NOXA1: variants seen among roughly 807,000 people sequenced by gnomAD.
NOXA1 encodes NADPH oxidase activator 1.
In NOXA1, 56 loss-of-function variants were observed where a neutral mutation model predicts 64.8. That is an observed-to-expected ratio of 0.86 (90% CI 0.70 to 1.08). The LOEUF is 1.08. NOXA1 is among the 50% of genes least tolerant of loss of function. NOXA1 has a pLI of 0.00. For synonymous variants in NOXA1, 295 were observed against 294.8 expected (o/e 1.00, Z -0.01); for missense variants, 668 against 658.5 (o/e 1.01, Z -0.16).
intron 2 of NOXA1, 152 bp downstream of exon 2, chr9:137,426,482 G>C (rs1228138210): frequency 7.9e-6 from 5 of 633,888 alleles, no homozygotes; most frequent in Non-Finnish European, 1.4e-5. Flanking sequence ...ACCTGAGACT[G>C]TGGCCCTCGC....
chr9:137,433,398 C>A, intron 10 of NOXA1, 55 bp from the exon 11 acceptor site: 1 of 1,548,836 alleles, frequency 6.5e-7, no homozygotes, highest in Non-Finnish European at 8.7e-7. Context: ...TGAAGACGGC[C>A]CTGACCAGGC....
intron 3 of NOXA1, 123 bp downstream of exon 3, chr9:137,428,264 A>T: frequency 1.5e-6 from 1 of 673,862 alleles, no homozygotes; most frequent in Non-Finnish European, 2.5e-6. Context: ...GCCATGGAAT[A>T]CCCTGGCCAC....
intron 1 of NOXA1, 78 bp downstream of exon 1, chr9:137,423,784 G>T: frequency 8.9e-7 from 1 of 1,123,694 alleles, no homozygotes; most frequent in Non-Finnish European, 1.1e-6. Flanking sequence ...GCCCCTCCCC[G>T]ACCGTCACGG....
rs895329464 is a variant in NOXA1 at position 137,431,448 on chromosome 9, T to C, written c.804+107T>C. The C allele has an allele frequency of 2.3e-6, 2 of 875,014 alleles. 1 individual carries two copies. Among genetic ancestry groups the C allele is most frequent in the Admixed American group, 4.2e-5 (2 of 48,132 alleles). 54.2% of individuals were successfully genotyped at this position (875,014 alleles called of 1,614,324 possible). On this transcript the variant is annotated intron_variant, in intron 8 of 13. Transcript: ENST00000683555. This position sits in a 1 kb window ranked among gnomAD's most constrained non-coding sequence, Gnocchi z 5.6. ...CATGAGGGTGGAGGGAGCAGCTCGC[T>C]GGGGGGTAGACGGGGCCGGGCTCAC...
chr9:137,423,560 TG>T lies in NOXA1; in HGVS notation c.33del (p.Trp11CysfsTer55). ...CTCTCTGGGGGACCTGGTGCGCGCC[TG>T]GCACCTGGGCGCGCAGGCTGTGGAT... is the stretch of plus-strand genomic sequence containing the variant. MASLGDLVRA[W>X]HLGAQAVDRG... On this transcript the variant is annotated frameshift_variant, in exon 1 of 14. Coordinates refer to ENST00000683555, the MANE Select transcript of NOXA1 (RefSeq NM_001256067.2). LOFTEE classifies it high-confidence loss of function. The T allele has an allele frequency of 1.4e-6, 2 of 1,451,352 alleles. No individual in the cohort carries two copies. Among genetic ancestry groups the T allele is most frequent in the Non-Finnish European group, 9.1e-7 (1 of 1,099,972 alleles). 89.9% of individuals were successfully genotyped at this position (1,451,352 alleles called of 1,614,324 possible).
rs761994744 is a variant in NOXA1 at position 137,431,035 on chromosome 9, G to C, written c.673-40G>C. The C allele has an allele frequency of 6.2e-7, 1 of 1,613,002 alleles. No individual in the cohort carries two copies. Among genetic ancestry groups the C allele is most frequent in the Non-Finnish European group, 8.5e-7 (1 of 1,179,920 alleles). On this transcript the variant is annotated intron_variant, in intron 6 of 13. Coordinates refer to ENST00000683555, the MANE Select transcript of NOXA1 (RefSeq NM_001256067.2). This position sits in a 1 kb window ranked among gnomAD's most constrained non-coding sequence, Gnocchi z 5.6. Reference sequence around the variant, plus strand: ...TTCAGGAGGAGGGAGGGCGGCCCCCGACCCTTAACCAGAGCGAGGTTGTTG... The same window carrying C: ...TTCAGGAGGAGGGAGGGCGGCCCCCCACCCTTAACCAGAGCGAGGTTGTTG...
chr9:137,434,193 C>A (rs373727662), intron 13 of NOXA1, 31 bp from the exon 14 acceptor site: 3 of 1,593,918 alleles, frequency 1.9e-6, no homozygotes, highest in South Asian at 2.2e-5. Context: ...GCCTGGGTAA[C>A]GCCCTGCAGA....
chr9:137,429,849 CGGGG>C (rs34530089), intron 5 of NOXA1, among the ~76,000 whole-genome samples: 3 of 3,228 alleles, frequency 9.3e-4, no homozygotes, highest in East Asian at 0.015. Flanking sequence ...AGCGAGGTCC[CGGGG>C]GGGGGGGGTC....
rs771295621 is a variant in NOXA1, at chr9:137,434,338, C to T, written c.1409C>T (p.Ser470Phe). ...GGAGCCCCCGGCCGCCTGCCCCGATCCCAGCAGGGAGATCAGCCCTAATGA... is the reference window on the plus strand; with the variant it reads ...GGAGCCCCCGGCCGCCTGCCCCGATTCCAGCAGGGAGATCAGCCCTAATGA... ...MSGAPGRLPR[S>F]QQGDQP is the part of the protein sequence containing the mutation. Residue 470 changes from serine to phenylalanine, a missense_variant, in exon 14 of 14, where the codon TCC (serine) becomes TTC (phenylalanine). Coordinates refer to ENST00000683555, the MANE Select transcript of NOXA1 (RefSeq NM_001256067.2). The T allele has an allele frequency of 1.2e-6, 2 of 1,603,428 alleles. No individual in the cohort carries two copies. Among genetic ancestry groups the T allele is most frequent in the Non-Finnish European group, 8.5e-7 (1 of 1,176,104 alleles).
chr9:137,433,263 G>C lies in NOXA1; in HGVS notation c.909G>C (p.Gly303=), dbSNP rs1306180946. 1.3e-6 allele frequency: 2 copies of C among 1,584,586 alleles called. No homozygotes were observed. The highest frequency in any genetic ancestry group is 1.7e-6 in the Non-Finnish European group (2 of 1,167,538). ...CCTGTGAGGACCCCGCGGGTGCTGG[G>C]GTAAGAGGCTCTAGACCCTTCACCT... The part of the protein sequence containing the change: ...PGPCEDPAGA[G]GAGAGGSEPL... Residue 303 remains glycine, a splice_region_variant and synonymous_variant, in exon 10 of 14, where the codon GGG becomes GGC. Coordinates refer to ENST00000683555, the MANE Select transcript of NOXA1 (RefSeq NM_001256067.2).
In NOXA1 at chr9:137,434,070, C is replaced by G; in HGVS notation, c.1285C>G (p.Leu429Val). Reference sequence around the variant, plus strand: ...CCGACAGGGGGACACGGTGGACGTCCTGTGTGAAGGTAGGGTGGGCATGGC... The same window carrying G: ...CCGACAGGGGGACACGGTGGACGTCGTGTGTGAAGGTAGGGTGGGCATGGC... ...GFRQGDTVDV[L>V]CEVDQAWLEG... is the part of the protein sequence containing the mutation. Residue 429 changes from leucine (L) to valine (V), a missense_variant, in exon 13 of 14, where the codon CTG becomes GTG. Leu to Val is a conservative substitution (Grantham distance 32, BLOSUM62 1). Coordinates refer to ENST00000683555, the MANE Select transcript of NOXA1 (RefSeq NM_001256067.2). The G allele has an allele frequency of 6.3e-7, 1 of 1,583,140 alleles. No individual in the cohort carries two copies. Among genetic ancestry groups the G allele is most frequent in the Non-Finnish European group, 8.6e-7 (1 of 1,169,414 alleles).
At position 137,433,076 on chromosome 9, in the gene NOXA1, T is replaced by C. The variant is rs1190868551; in HGVS notation, c.850+2T>C. The C allele has an allele frequency of 1.2e-6, 2 of 1,612,790 alleles. No homozygotes were observed. Among genetic ancestry groups the C allele is most frequent in the Non-Finnish European group, 1.7e-6 (2 of 1,179,880 alleles). On this transcript the variant is annotated splice_donor_variant, in intron 9 of 13. Coordinates refer to ENST00000683555, the MANE Select transcript of NOXA1 (RefSeq NM_001256067.2). LOFTEE classifies it high-confidence loss of function. ...GCAAACAGGCTCCTCTCTCCCCAGG[T>C]ATGGGCGTCCTCAGCGGCGGGGTCC...
Position 137,425,721 on chromosome 9 carries a change from T to C in NOXA1, c.178-527T>C, listed in dbSNP as rs560964302. ...TTCTTTAGCTGCTGACTCTGGGATC[T>C]GGACTGCGTTATCTCGTCTCCAGTA... is the stretch of plus-strand genomic sequence containing the variant. On this transcript the variant is annotated intron_variant, in intron 1 of 13. Transcript: ENST00000683555. Among the ~76,000 whole-genome samples the C allele has an allele frequency of 8.2e-4, 125 of 152,224 alleles. 1 individual carries two copies. The highest frequency in any genetic ancestry group is 2.4e-3 in the African/African-American group (99 of 41,546).
intron 6 of NOXA1, 53 bp downstream of exon 6, chr9:137,430,896 A>G: frequency 6.5e-7 from 1 of 1,547,254 alleles, no homozygotes; most frequent in Non-Finnish European, 8.7e-7. Context: ...CTTTCTGGGA[A>G]AGAAAATGCT....
In NOXA1 at chr9:137,431,920, G is replaced by T. The variant is rs1564240707; in HGVS notation, c.804+579G>T. Among the ~76,000 whole-genome samples, 1 of 152,134 alleles carries T rather than the reference G, an allele frequency of 6.6e-6. No individual in the cohort carries two copies. On this transcript the variant is annotated intron_variant, in intron 8 of 13. Transcript: ENST00000683555. This position sits in a 1 kb window ranked among gnomAD's most constrained non-coding sequence, Gnocchi z 5.6. ...TCACGCTGAGCGCATCTGAGGATGC[G>T]ATCAGGAAGCAGCCCCGGCACTCTC...
intron 5 of NOXA1, among the ~76,000 whole-genome samples, chr9:137,429,595 C>T (rs1839000651): frequency 1.3e-5 from 2 of 152,172 alleles, no homozygotes; most frequent in South Asian, 4.1e-4. Context: ...CTAGAGCCGG[C>T]TGCATAGGAG....
At chr9:137,432,690 C>T (rs1188917156) in intron 8 of NOXA1, among the ~76,000 whole-genome samples, 2 of 152,336 alleles carry the variant, frequency 1.3e-5, no homozygotes, top group African/African-American at 2.4e-5. Flanking sequence ...TCAGGGCACA[C>T]GGTTAATGTC....
chr9:137,427,787 C>G (rs1838902450), intron 2 of NOXA1, among the ~76,000 whole-genome samples: 1 of 152,018 alleles, frequency 6.6e-6, no homozygotes, highest in Non-Finnish European at 1.5e-5. Flanking sequence ...GCCCAGGAAG[C>G]TGAGTCTGAG....
intron 5 of NOXA1, among the ~76,000 whole-genome samples, chr9:137,430,417 G>T (rs1212765062): frequency 1.3e-5 from 2 of 152,192 alleles, no homozygotes; most frequent in African/African-American, 4.8e-5. Flanking sequence ...TCGGTCACCT[G>T]CGCTGCGCCA....
Sources: gnomAD v4.1 joint callset for allele counts (sites outside exome capture counted in the v4.1 genomes callset) on GRCh38, gnomAD v4.1.1 for gene constraint, Gnocchi (gnomAD v3.1) non-coding constraint, MANE v1.5 for transcripts, NCBI Gene and HGNC (gene_info 2026-07-23, HGNC 2026-07-21) for gene names.